SAE1: variants seen among roughly 807,000 people sequenced by gnomAD.
The protein encoded by SAE1 is SUMO1 activating enzyme subunit 1, also known as SUMO-activating enzyme subunit 1.
SAE1 carries 11 observed loss-of-function variants against 40.6 expected under a neutral mutation model. The ratio of observed to expected loss-of-function variants is 0.27; its 90% CI spans 0.17 to 0.45. The LOEUF (loss-of-function observed/expected upper bound fraction) is 0.45, where lower values mean the gene tolerates loss of function less well. Among genes scored for constraint, SAE1 ranks in the 20% least tolerant of loss-of-function variants. SAE1 has a pLI of 1.00. For synonymous variants in SAE1, 155 were observed against 154.3 expected (o/e 1.00, Z -0.03); for missense variants, 373 against 427.3 (o/e 0.87, Z 1.12).
intron 6 of SAE1, among the ~76,000 whole-genome samples, chr19:47,181,343 AAAAAC>A (rs1677488557): frequency 6.6e-6 from 1 of 152,002 alleles, no homozygotes; most frequent in African/African-American, 2.4e-5. Context: ...TAATAAAATA[AAAAAC>A]AAATAAAAAG....
chr19:47,172,219 G>T (rs2058439171), intron 6 of SAE1, among the ~76,000 whole-genome samples: 1 of 152,226 alleles, frequency 6.6e-6, no homozygotes. Flanking sequence ...ACGCTCAGCT[G>T]GATGAACTAT....
chr19:47,194,363 C>T (rs1030196858), intron 6 of SAE1, among the ~76,000 whole-genome samples: 3 of 152,186 alleles, frequency 2.0e-5, no homozygotes, highest in African/African-American at 7.2e-5. Context: ...TTTAAAGAGC[C>T]TCACAGCAAC....
Position 47,183,820 on chromosome 19 carries a change from A to G in SAE1, c.734-13413A>G, listed in dbSNP as rs117181234. ...CAGAGAGCAGCAGATGCCTAGAGTC[A>G]AGGTCATGTGCTGCTCAAGTGCTGG... On this transcript the variant is annotated intron_variant, in intron 6 of 8. Transcript: ENST00000270225. 4.8e-3 allele frequency among the ~76,000 whole-genome samples: 730 copies of G among 152,302 alleles called. 5 individuals are homozygous for G. Among genetic ancestry groups the G allele is most frequent in the Admixed American group, 7.4e-3 (113 of 15,288 alleles).
At chr19:47,205,305 G>A (rs1307443532) in intron 8 of SAE1, among the ~76,000 whole-genome samples, 1 of 143,662 alleles carries the variant, frequency 7.0e-6, no homozygotes, top group Non-Finnish European at 1.5e-5. Flanking sequence ...TAGTCACACC[G>A]TTTTCCTAAG....
At chr19:47,164,913 A>G (rs2058382507) in intron 5 of SAE1, among the ~76,000 whole-genome samples, 1 of 151,684 alleles carries the variant, frequency 6.6e-6, no homozygotes, top group Non-Finnish European at 1.5e-5. Flanking sequence ...CAGCCTCCCA[A>G]AGTGCTGGGA....
chr19:47,171,633 A>T (rs1010869619), intron 6 of SAE1, among the ~76,000 whole-genome samples: 1 of 149,638 alleles, frequency 6.7e-6, no homozygotes, highest in Admixed American at 6.6e-5. Flanking sequence ...TTGTATTTTT[A>T]GTATTTTTGT....
chr19:47,150,220 G>A lies in SAE1; in HGVS notation c.229G>A (p.Gly77Arg), dbSNP rs775464704. 1.9e-5 allele frequency: 30 copies of A among 1,594,768 alleles called. No individual in the cohort carries two copies. The highest frequency in any genetic ancestry group is 2.4e-5 in the Non-Finnish European group (28 of 1,172,710). The part of the protein sequence containing the change: ...DHEQVTPEDP[G>R]AQFLIRTGSV... Reference sequence around the variant, plus strand: ...TTCCTAGGTAACTCCAGAAGATCCCGGAGCTCAGTTCTTGATTCGTACTGG... The same window carrying A: ...TTCCTAGGTAACTCCAGAAGATCCCAGAGCTCAGTTCTTGATTCGTACTGG... The change falls in exon 3 of 9, where the codon GGA becomes AGA. Residue 77 changes from glycine to arginine, a missense_variant. Coordinates refer to ENST00000270225, the MANE Select transcript of SAE1 (RefSeq NM_005500.3).
At chr19:47,147,934 T>C (rs2058264783) in intron 2 of SAE1, among the ~76,000 whole-genome samples, 1 of 151,660 alleles carries the variant, frequency 6.6e-6, no homozygotes, top group Admixed American at 6.6e-5. Context: ...AATTTTTTTG[T>C]ATTTTTTAGT....
chr19:47,181,519 C>T (rs1291324199), intron 6 of SAE1, among the ~76,000 whole-genome samples: 1 of 140,362 alleles, frequency 7.1e-6, no homozygotes, highest in African/African-American at 2.6e-5. Context: ...CACTCTGTCG[C>T]CCATGCTGGA....
intron 2 of SAE1, among the ~76,000 whole-genome samples, chr19:47,145,769 C>G (rs2123198045): frequency 6.6e-6 from 1 of 152,188 alleles, no homozygotes; most frequent in Non-Finnish European, 1.5e-5. Context: ...AGGCCAATCA[C>G]AGAACAGTGC....
chr19:47,170,027 C>T, intron 6 of SAE1, 104 bp downstream of exon 6: 3 of 812,720 alleles, frequency 3.7e-6, no homozygotes, highest in Admixed American at 3.9e-5. Context: ...CCTTGGGTGG[C>T]ATTCTTCATT....
rs1159017298 is a variant in SAE1, at chr19:47,172,068, AC to A, written c.733+2147del. Among the ~76,000 whole-genome samples the A allele has an allele frequency of 2.7e-5, 4 of 150,262 alleles. No individual in the cohort carries two copies. In the East Asian group the frequency reaches 8.0e-4, roughly 30 times the overall value. On this transcript the variant is annotated intron_variant, in intron 6 of 8. Transcript: ENST00000270225. ...CGAGTAGCTGGGATTACAGGTGCCCACCAGCACACCCAGCTAATTTTTGTAT... is the reference window on the plus strand; with the variant it reads ...CGAGTAGCTGGGATTACAGGTGCCCACAGCACACCCAGCTAATTTTTGTAT...
In SAE1 at chr19:47,154,480, C is replaced by CTTTTTTTT. The variant is rs57870733; in HGVS notation, c.528-611_528-604dup. Reference sequence around the variant, plus strand: ...AGCAGAGGGGCAGAATTAAGTTTGGCTTTTTTTTTTTTTTTTTTTTTTTTT... The same window carrying CTTTTTTTT: ...AGCAGAGGGGCAGAATTAAGTTTGGCTTTTTTTTTTTTTTTTTTTTTTTTTTTTTTTTT... On this transcript the variant is annotated intron_variant, in intron 4 of 8. Coordinates refer to ENST00000270225, the MANE Select transcript of SAE1 (RefSeq NM_005500.3). Among the ~76,000 whole-genome samples the CTTTTTTTT allele has an allele frequency of 1.4e-4, 7 of 51,606 alleles. 1 individual carries two copies. Among genetic ancestry groups the CTTTTTTTT allele is most frequent in the Non-Finnish European group, 1.6e-4 (5 of 30,310 alleles). The allele number at this position is 51,606 out of a possible 152,430, so 33.9% of individuals were successfully genotyped here. A position where few individuals can be genotyped will look rare whatever the true frequency, so the allele number is the denominator to read the frequency against.
At chr19:47,143,429 T>C (rs2058234566) in intron 1 of SAE1, 65 bp from the exon 2 acceptor site, 1 of 1,322,912 alleles carries the variant, frequency 7.6e-7, no homozygotes, top group Non-Finnish European at 1.1e-6. Flanking sequence ...GTGTATTTTT[T>C]GTTCTTCTGT....
At chr19:47,170,247 C>A (rs548027832) in intron 6 of SAE1, among the ~76,000 whole-genome samples, 21 of 151,978 alleles carry the variant, frequency 1.4e-4, no homozygotes, top group Admixed American at 5.9e-4. Context: ...GAGTCTTGCT[C>A]TGTCACCCAG....
intron 1 of SAE1, among the ~76,000 whole-genome samples, chr19:47,136,961 T>A (rs193112889): frequency 4.6e-5 from 7 of 152,282 alleles, no homozygotes; most frequent in Admixed American, 3.9e-4. Context: ...GGAGTTCCTT[T>A]ATGAAACAGA....
chr19:47,201,095 G>A lies in SAE1; in HGVS notation c.879-2576G>A, dbSNP rs533324199. ...CTTACTCTGTCACCCAAGCTAGAGT[G>A]CAATGGCCCGATCTTGGCTCACTGC... On this transcript the variant is annotated intron_variant, in intron 7 of 8. Coordinates refer to ENST00000270225, the MANE Select transcript of SAE1 (RefSeq NM_005500.3). Among the ~76,000 whole-genome samples, 10 of 151,370 alleles carry A rather than the reference G, an allele frequency of 6.6e-5. No individual in the cohort carries two copies. The South Asian group carries it at 1.7e-3, about 25-fold the overall frequency.
chr19:47,132,889 CAAA>C (rs60901263), intron 1 of SAE1, among the ~76,000 whole-genome samples: 4 of 109,424 alleles, frequency 3.7e-5, no homozygotes, highest in Admixed American at 9.6e-5. Flanking sequence ...GGCCCCGTCT[CAAA>C]AAAAAAAAAA....
chr19:47,170,596 T>C (rs944656269), intron 6 of SAE1, among the ~76,000 whole-genome samples: 1 of 150,116 alleles, frequency 6.7e-6, no homozygotes, highest in Non-Finnish European at 1.5e-5. Flanking sequence ...AGCCTCTACT[T>C]CCTGGGCTTA....
Sources: gnomAD v4.1 joint callset for allele counts (sites outside exome capture counted in the v4.1 genomes callset) on GRCh38, gnomAD v4.1.1 for gene constraint, MANE v1.5 for transcripts, NCBI Gene and HGNC (gene_info 2026-07-23, HGNC 2026-07-21) for gene names.